The following SLCO1B3 variants were observed in gnomAD, a reference collection of about 807,000 sequenced individuals.
SLCO1B3 encodes solute carrier organic anion transporter family member 1B3.
SLCO1B3 carries 72 observed loss-of-function variants against 71.8 expected under a neutral mutation model. The observed-to-expected ratio is 1.00, with a 90% CI of 0.83 to 1.22. The LOEUF is 1.22. Ranked by LOEUF, SLCO1B3 falls within the 50% of genes most tolerant of loss-of-function variation. SLCO1B3 has a pLI of 0.00. For missense variants in SLCO1B3, 911 were observed against 819.7 expected (o/e 1.11, Z -1.36); for synonymous variants, 298 against 278.4 (o/e 1.07, Z -0.70).
chr12:20,812,576 T>G (rs757461080), intron 1 of SLCO1B3, among the ~76,000 whole-genome samples: 2 of 152,328 alleles, frequency 1.3e-5, no homozygotes, highest in South Asian at 4.1e-4. Flanking sequence ...CTTATGGTTG[T>G]ATTGGGAAAT....
intron 15 of SLCO1B3, 55 bp downstream of exon 15, chr12:20,901,522 G>A (rs746095473): frequency 9.7e-5 from 86 of 890,092 alleles, no homozygotes; most frequent in Admixed American, 5.2e-5. Context: ...CTATGTTAAT[G>A]TCTAAGATAT....
chr12:20,901,308 A>C, intron 14 of SLCO1B3, 42 bp from the exon 15 acceptor site: 1 of 1,192,376 alleles, frequency 8.4e-7, no homozygotes, highest in Non-Finnish European at 1.2e-6. Context: ...TTACATTTGA[A>C]GCATTTCACT....
chr12:20,889,269 A>C (rs1372848873), intron 13 of SLCO1B3, among the ~76,000 whole-genome samples: 1 of 151,928 alleles, frequency 6.6e-6, no homozygotes, highest in African/African-American at 2.4e-5. Context: ...GTTTTAGTAG[A>C]GTTGGTATCA....
chr12:20,825,947 TTAA>T (rs1356660249), intron 3 of SLCO1B3, among the ~76,000 whole-genome samples: 5 of 152,110 alleles, frequency 3.3e-5, no homozygotes, highest in Middle Eastern at 3.4e-3. Context: ...AAATAAAAAC[TTAA>T]TAAGAATAAC....
intron 1 of SLCO1B3, among the ~76,000 whole-genome samples, chr12:20,811,014 G>A (rs1864101649): frequency 6.6e-6 from 1 of 152,076 alleles, no homozygotes; most frequent in Non-Finnish European, 1.5e-5. Flanking sequence ...AAAGTTTGGA[G>A]TCCTATTTCT....
At chr12:20,831,530 A>G (rs1013809139) in intron 3 of SLCO1B3, among the ~76,000 whole-genome samples, 1 of 152,170 alleles carries the variant, frequency 6.6e-6, no homozygotes, top group Non-Finnish European at 1.5e-5. Flanking sequence ...CATTACAACA[A>G]TTTTGTAAAG....
At chr12:20,825,809 A>AAAAAAAAAG (rs1391926072) in intron 3 of SLCO1B3, among the ~76,000 whole-genome samples, 1 of 151,038 alleles carries the variant, frequency 6.6e-6, no homozygotes, top group Non-Finnish European at 1.5e-5. Flanking sequence ...AAAAAAAAAA[A>AAAAAAAAAG]AAAAAAAGAA....
At chr12:20,881,733 A>G (rs1865697701) in intron 12 of SLCO1B3, among the ~76,000 whole-genome samples, 1 of 152,126 alleles carries the variant, frequency 6.6e-6, no homozygotes, top group South Asian at 2.1e-4. Flanking sequence ...GTAACTCCCA[A>G]TGATTGGAAA....
At position 20,916,190 on chromosome 12, in the gene SLCO1B3, T is replaced by C. The variant is rs1591796854; in HGVS notation, c.2052T>C (p.Ala684=). The C allele has an allele frequency of 6.2e-7, 1 of 1,612,514 alleles. No homozygotes were observed. The highest frequency in any genetic ancestry group is 8.5e-7 in the Non-Finnish European group (1 of 1,178,662). ...LNNGEHFVPS[A]GTDSKTCNLD... is the part of the protein sequence containing the mutation. ...ATGGTGAACATTTTGTACCTTCTGC[T>C]GGAACAGATAGTAAAACATGTAATT... The change falls in exon 16 of 16, where the codon GCT becomes GCC. Residue 684 remains alanine (A), a synonymous_variant. Transcript: ENST00000381545.
rs375660805 is a variant in SLCO1B3 at position 20,872,244 on chromosome 12, T to A, written c.728-2991T>A. Among the ~76,000 whole-genome samples, 121 of 151,902 alleles carry A rather than the reference T, an allele frequency of 8.0e-4. 2 individuals are homozygous for A. In the South Asian group the frequency reaches 0.024, roughly 30 times the overall value. On this transcript the variant is annotated intron_variant, in intron 8 of 15. Coordinates refer to ENST00000381545, the MANE Select transcript of SLCO1B3 (RefSeq NM_019844.4). ...GCTCTAGGGCTCTTCAGTCAGTTTATTATGAATGCTGCCAGGTCTCAGAGA... is the reference window on the plus strand; with the variant it reads ...GCTCTAGGGCTCTTCAGTCAGTTTAATATGAATGCTGCCAGGTCTCAGAGA...
At chr12:20,873,696 C>T (rs7970055) in intron 8 of SLCO1B3, among the ~76,000 whole-genome samples, 81,434 of 151,942 alleles carry the variant, frequency 0.54, 24,388 homozygotes, top group South Asian at 0.77. Flanking sequence ...TTTGCTGCAC[C>T]TATCAACCCA....
intron 13 of SLCO1B3, among the ~76,000 whole-genome samples, chr12:20,888,929 C>A (rs996557373): frequency 2.0e-5 from 3 of 151,950 alleles, no homozygotes; most frequent in Non-Finnish European, 4.4e-5. Context: ...AATGTTTTTT[C>A]TGCATCAATT....
intron 13 of SLCO1B3, among the ~76,000 whole-genome samples, chr12:20,895,329 C>T (rs965265653): frequency 5.9e-5 from 9 of 152,206 alleles, no homozygotes; most frequent in Non-Finnish European, 1.3e-4. Context: ...CAAGTCCCTT[C>T]CACCTATGCA....
chr12:20,854,941 A>G lies in SLCO1B3; in HGVS notation c.85-87A>G, dbSNP rs1481578363. The stretch of plus-strand genomic sequence containing the variant: ...TTATGATAATGTTTTCGAGTAAAGA[A>G]GAAAAACTGTTTTAGTTCCATGTAC... On this transcript the variant is annotated intron_variant, in intron 3 of 15. Transcript: ENST00000381545. The G allele has an allele frequency of 4.1e-5, 51 of 1,254,150 alleles. 1 individual carries two copies. In the Middle Eastern group the frequency reaches 8.1e-4, roughly 20 times the overall value. The allele number at this position is 1,254,150 out of a possible 1,614,324, so 77.7% of individuals were successfully genotyped here. A position where few individuals can be genotyped will look rare whatever the true frequency, so the allele number is the denominator to read the frequency against.
intron 2 of SLCO1B3, 61 bp from the exon 3 acceptor site, chr12:20,815,613 T>C: frequency 3.2e-6 from 2 of 629,832 alleles, no homozygotes; most frequent in East Asian, 5.7e-5. Context: ...TTGTGGCTTT[T>C]CCTATTTTTA....
At chr12:20,888,917 C>T (rs1054071557) in intron 13 of SLCO1B3, among the ~76,000 whole-genome samples, 1 of 151,978 alleles carries the variant, frequency 6.6e-6, no homozygotes, top group Non-Finnish European at 1.5e-5. Context: ...TGGATTTTAT[C>T]AAATGTTTTT....
intron 15 of SLCO1B3, among the ~76,000 whole-genome samples, chr12:20,903,841 C>T (rs10841698): frequency 0.53 from 80,602 of 152,032 alleles, 25,546 homozygotes; most frequent in South Asian, 0.79. Context: ...CAACAGTCCC[C>T]GTGTCTTAAC....
chr12:20,872,775 T>C (rs1865498663), intron 8 of SLCO1B3, among the ~76,000 whole-genome samples: 1 of 152,118 alleles, frequency 6.6e-6, no homozygotes, highest in Non-Finnish European at 1.5e-5. Context: ...CCTATTTTAC[T>C]GTGGCTGAGC....
chr12:20,843,161 C>G (rs1379796035), intron 3 of SLCO1B3, among the ~76,000 whole-genome samples: 2 of 152,172 alleles, frequency 1.3e-5, no homozygotes, highest in Non-Finnish European at 2.9e-5. Flanking sequence ...TTTATACTCT[C>G]TGATACTATC....
Sources: gnomAD v4.1 joint callset for allele counts (sites outside exome capture counted in the v4.1 genomes callset) on GRCh38, gnomAD v4.1.1 for gene constraint, MANE v1.5 for transcripts, NCBI Gene and HGNC (gene_info 2026-07-23, HGNC 2026-07-21) for gene names.